The following BTNL8 variants were observed in gnomAD, a reference collection of about 807,000 sequenced individuals.
BTNL8 encodes butyrophilin-like protein 8.
Under a neutral mutation model 36.1 loss-of-function variants are expected in BTNL8, and 22 were observed. The observed-to-expected ratio is 0.61, with a 90% CI of 0.44 to 0.87. BTNL8 has a LOEUF of 0.87. Among genes scored for constraint, BTNL8 ranks in the 40% least tolerant of loss-of-function variants. BTNL8 has a pLI of 0.00. For missense variants in BTNL8, 526 were observed against 616.9 expected (o/e 0.85, Z 1.56); for synonymous variants, 203 against 235.6 (o/e 0.86, Z 1.27).
In BTNL8 at chr5:180,950,258, A is replaced by T; in HGVS notation, c.1217A>T (p.Lys406Ile). ...GTCTTCCCCAGGACCCCACCTACAA[A>T]AATAGGGGTCTTCCTGGACTATGAG... ...ISVFPRTPPT[K>I]IGVFLDYECG... The change falls in exon 8 of 8, where the codon AAA becomes ATA. Residue 406 changes from lysine (K) to isoleucine (I), a missense_variant. Transcript: ENST00000340184. 1 of 1,463,412 alleles carries T rather than the reference A, an allele frequency of 6.8e-7. No individual in the cohort carries two copies. The highest frequency in any genetic ancestry group is 9.4e-7 in the Non-Finnish European group (1 of 1,058,950). The allele number at this position is 1,463,412 out of a possible 1,614,324, so 90.7% of individuals were successfully genotyped here. A position where few individuals can be genotyped will look rare whatever the true frequency, so the allele number is the denominator to read the frequency against.
chr5:180,909,555 T>C (rs761380034), intron 2 of BTNL8: 1 of 985,534 alleles, frequency 1.0e-6, no homozygotes, highest in Non-Finnish European at 1.2e-6. Context: ...AACTTGACCA[T>C]ACTTCCATAG....
chr5:180,911,695 C>A, intron 3 of BTNL8, 81 bp downstream of exon 3: 1 of 1,336,586 alleles, frequency 7.5e-7, no homozygotes. Flanking sequence ...TCCATCTTGG[C>A]ATTGCTGTTT....
chr5:180,947,849 G>A, intron 4 of BTNL8: 1 of 1,453,722 alleles, frequency 6.9e-7, no homozygotes, highest in African/African-American at 1.4e-5. Flanking sequence ...CAAATAATAA[G>A]GGGATGAATG....
intron 3 of BTNL8, among the ~76,000 whole-genome samples, chr5:180,928,945 AG>A (rs1758235716): frequency 6.6e-6 from 1 of 152,230 alleles, no homozygotes. Flanking sequence ...ACTTGAACTC[AG>A]CTCTGGAACA....
chr5:180,901,743 T>A lies in BTNL8; in HGVS notation c.49+2384T>A, dbSNP rs184099082. On this transcript the variant is annotated intron_variant, in intron 1 of 7. Transcript: ENST00000340184. Reference sequence around the variant, plus strand: ...ACATACATGTACCAAGAATTTTTTTTAAAAAAAATGAAGGCAAGACATGTT... The same window carrying A: ...ACATACATGTACCAAGAATTTTTTTAAAAAAAAATGAAGGCAAGACATGTT... 4.3e-3 allele frequency among the ~76,000 whole-genome samples: 650 copies of A among 151,966 alleles called. 3 individuals are homozygous for A. The highest frequency in any genetic ancestry group is 0.014 in the African/African-American group (582 of 41,436).
At chr5:180,928,882 A>G (rs535377330) in intron 3 of BTNL8, among the ~76,000 whole-genome samples, 7 of 152,296 alleles carry the variant, frequency 4.6e-5, no homozygotes, top group Non-Finnish European at 1.5e-5. Context: ...TTAACACCCA[A>G]CTGTCAGTAT....
At chr5:180,902,376 T>C (rs1020612870) in intron 1 of BTNL8, 3 of 1,551,202 alleles carry the variant, frequency 1.9e-6, no homozygotes. Context: ...AAGTAACTGA[T>C]GTGGACATGG....
intron 3 of BTNL8, among the ~76,000 whole-genome samples, chr5:180,942,003 T>C (rs1031784411): frequency 3.3e-5 from 5 of 151,692 alleles, no homozygotes; most frequent in Non-Finnish European, 5.9e-5. Context: ...GAAAGTCTAA[T>C]TGTCCCTGTT....
intron 1 of BTNL8, chr5:180,902,484 C>T (rs1369388389): frequency 1.1e-5 from 15 of 1,364,166 alleles, no homozygotes; most frequent in Non-Finnish European, 1.4e-5. Flanking sequence ...CAGCCCAGCC[C>T]AATGGAGCCC....
Position 180,911,397 on chromosome 5 carries a change from A to C in BTNL8, c.456A>C (p.Leu152=). The C allele has an allele frequency of 1.2e-6, 2 of 1,614,024 alleles. No individual in the cohort carries two copies. The highest frequency in any genetic ancestry group is 2.2e-5 in the South Asian group (2 of 91,078). ...ITGYVDRDIQ[L]LCQSSGWFPR... is the part of the protein sequence containing the mutation. ...GATATGTTGATAGAGACATCCAGCT[A>C]CTCTGTCAGTCCTCGGGCTGGTTCC... The change falls in exon 3 of 8, where the codon CTA becomes CTC. Residue 152 remains leucine, a synonymous_variant. Coordinates refer to ENST00000340184, the MANE Select transcript of BTNL8 (RefSeq NM_001040462.3).
intron 3 of BTNL8, among the ~76,000 whole-genome samples, chr5:180,911,844 G>A (rs1346343956): frequency 1.3e-5 from 2 of 152,194 alleles, no homozygotes; most frequent in Non-Finnish European, 2.9e-5. Context: ...TCCTTCAGCT[G>A]TGACGTAACC....
rs1412678648 is a variant in BTNL8, at chr5:180,949,416, G to A, written c.862+151G>A. The A allele has an allele frequency of 5.1e-6, 6 of 1,174,438 alleles. 1 individual carries two copies. The highest frequency in any genetic ancestry group is 7.2e-6 in the Non-Finnish European group (6 of 830,976). 72.8% of individuals were successfully genotyped at this position (1,174,438 alleles called of 1,614,324 possible). The stretch of plus-strand genomic sequence containing the variant: ...ACTGGATGCTTGATCGCCCCCAAGG[G>A]TTCAGTGCCCCCAGACACACTTCTT... On this transcript the variant is annotated intron_variant, in intron 7 of 7. Transcript: ENST00000340184.
At position 180,949,718 on chromosome 5, in the gene BTNL8, T is replaced by C. The variant is rs923849561; in HGVS notation, c.863-186T>C. 8 of 726,274 alleles carry C rather than the reference T, an allele frequency of 1.1e-5. 2 individuals carry two copies. Among genetic ancestry groups the C allele is most frequent in the African/African-American group, 3.5e-5 (2 of 56,712 alleles). The allele number at this position is 726,274 out of a possible 1,614,324, so 45.0% of individuals were successfully genotyped here. A position where few individuals can be genotyped will look rare whatever the true frequency, so the allele number is the denominator to read the frequency against. ...CGTCATATTGAGACATATCTAGACA[T>C]TGATGAGTCCTCCAGGCTGCACTGG... On this transcript the variant is annotated intron_variant, in intron 7 of 7. Transcript: ENST00000340184.
At chr5:180,920,302 T>C (rs1400057426) in intron 3 of BTNL8, among the ~76,000 whole-genome samples, 2 of 152,098 alleles carry the variant, frequency 1.3e-5, no homozygotes, top group Non-Finnish European at 2.9e-5. Context: ...TGCTATATGG[T>C]CAACTAATCT....
At position 180,908,549 on chromosome 5, in the gene BTNL8, G is replaced by T. The variant is rs373591695; in HGVS notation, c.50-37G>T. 5 of 1,600,644 alleles carry T rather than the reference G, an allele frequency of 3.1e-6. No homozygotes were observed. The South Asian group carries it at 5.6e-5, about 18-fold the overall frequency. ...TTGGCTCCTCCCCCTCACTACAAAGGGTTTTGATGATTTATCTTTTGTATG... is the reference window on the plus strand; with the variant it reads ...TTGGCTCCTCCCCCTCACTACAAAGTGTTTTGATGATTTATCTTTTGTATG... On this transcript the variant is annotated intron_variant, in intron 1 of 7. Transcript: ENST00000340184.
rs1757233412 is a variant in BTNL8, at chr5:180,908,655, GT to G, written c.122del (p.Phe41SerfsTer48). 15 of 1,614,088 alleles carry G rather than the reference GT, an allele frequency of 9.3e-6. No homozygotes were observed. The highest frequency in any genetic ancestry group is 1.7e-5 in the Admixed American group (1 of 60,004). ...GTGGGGGAGGACGCAGCATTCTCCT[GT>G]TTCCTGTCTCCTAAGACCAATGCAG... ...ALVGEDAAFS[C>X]FLSPKTNAEA... On this transcript the variant is annotated frameshift_variant, in exon 2 of 8. Coordinates refer to ENST00000340184, the MANE Select transcript of BTNL8 (RefSeq NM_001040462.3). LOFTEE classifies it high-confidence loss of function.
chr5:180,900,153 C>T (rs899634072), intron 1 of BTNL8, among the ~76,000 whole-genome samples: 1 of 152,230 alleles, frequency 6.6e-6, no homozygotes, highest in African/African-American at 2.4e-5. Flanking sequence ...ACAGGAGACG[C>T]TCTCGTTTCA....
intron 1 of BTNL8, chr5:180,902,396 T>G: frequency 6.4e-7 from 1 of 1,550,718 alleles, no homozygotes; most frequent in Non-Finnish European, 8.7e-7. Context: ...GTTTGTCAAA[T>G]GTAAGGAGAT....
At chr5:180,917,594 T>G (rs976355865) in intron 3 of BTNL8, among the ~76,000 whole-genome samples, 3 of 127,024 alleles carry the variant, frequency 2.4e-5, no homozygotes, top group Non-Finnish European at 4.9e-5. Context: ...CTATAAAAAC[T>G]GAATCAGAAT....
Sources: allele counts gnomAD v4.1 joint callset (sites outside exome capture counted in the v4.1 genomes callset), GRCh38; gene constraint gnomAD v4.1.1; transcripts MANE v1.5; gene names NCBI Gene and HGNC (gene_info 2026-07-23, HGNC 2026-07-21).